The following SCAND1 variants were observed in gnomAD, a reference collection of about 807,000 sequenced individuals.
SCAND1 encodes the protein SCAN domain containing 1.
Under a neutral mutation model 3.4 loss-of-function variants are expected in SCAND1, and 3 were observed. That is an observed-to-expected ratio of 0.87 (90% CI 0.40 to 2.25). SCAND1 has a LOEUF of 2.25. Ranked by LOEUF, SCAND1 falls within the 30% of genes most tolerant of loss-of-function variation. The probability of loss-of-function intolerance (pLI) is 0.05; values close to 1 mark genes in which losing one functional copy is unlikely to be tolerated. For synonymous variants in SCAND1, 152 were observed against 120.5 expected (o/e 1.26, Z -1.72); for missense variants, 303 against 258.8 (o/e 1.17, Z -1.17).
chr20:35,953,793 A>G lies in SCAND1; in HGVS notation c.492T>C (p.Ala164=). The change falls in exon 2 of 2, where the codon GCT becomes GCC. Residue 164 remains alanine (A), a synonymous_variant. Coordinates refer to ENST00000305978, the MANE Select transcript of SCAND1 (RefSeq NM_033630.3). ...EQLLAILPEA[A]RARRIRRRTD... ...TGCGGCGGCGGATCCGCCGGGCCCGAGCCGCCTCGGGCAGGATGGCGAGCA... is the reference window on the plus strand; with the variant it reads ...TGCGGCGGCGGATCCGCCGGGCCCGGGCCGCCTCGGGCAGGATGGCGAGCA... 7.3e-7 allele frequency: 1 copy of G among 1,365,950 alleles called. No homozygotes were observed. Among genetic ancestry groups the G allele is most frequent in the Non-Finnish European group, 9.8e-7 (1 of 1,018,636 alleles). The allele number at this position is 1,365,950 out of a possible 1,614,324, so 84.6% of individuals were successfully genotyped here. A position where few individuals can be genotyped will look rare whatever the true frequency, so the allele number is the denominator to read the frequency against.
rs759356596 is a variant in SCAND1, at chr20:35,954,428, C to G, written c.-56+20G>C. 3.5e-5 allele frequency: 55 copies of G among 1,550,246 alleles called. No homozygotes were observed. Among genetic ancestry groups the G allele is most frequent in the Non-Finnish European group, 4.6e-5 (53 of 1,147,178 alleles). On this transcript the variant is annotated intron_variant, in intron 1 of 1. Coordinates refer to ENST00000305978, the MANE Select transcript of SCAND1 (RefSeq NM_033630.3). ...TGAGGGAGTCGGACTCGGGACCGGCCGAGAGTGTGCGGAGCTTACCTGCAC... is the reference window on the plus strand; with the variant it reads ...TGAGGGAGTCGGACTCGGGACCGGCGGAGAGTGTGCGGAGCTTACCTGCAC...
At chr20:35,956,439 TCCTTTAGACA>T (rs970202151), upstream of SCAND1, among the ~76,000 whole-genome samples, 1 of 152,224 alleles carries the variant, frequency 6.6e-6, no homozygotes, top group African/African-American at 2.4e-5. Flanking sequence ...AGAGACGACT[TCCTTTAGACA>T]AGATACTCTG....
chr20:35,953,760 C>A lies in SCAND1; in HGVS notation c.525G>T (p.Val175=). Residue 175 remains valine (V), a synonymous_variant, in exon 2 of 2, where the codon GTG becomes GTT. Coordinates refer to ENST00000305978, the MANE Select transcript of SCAND1 (RefSeq NM_033630.3). ...RARRIRRRTD[V]RITG is the part of the protein sequence containing the mutation. Reference sequence around the variant, plus strand: ...GCTCCACCGCTCAGCCAGTGATGCGCACATCCGTGCGGCGGCGGATCCGCC... The same window carrying A: ...GCTCCACCGCTCAGCCAGTGATGCGAACATCCGTGCGGCGGCGGATCCGCC... 6.8e-7 allele frequency: 1 copy of A among 1,473,694 alleles called. No individual in the cohort carries two copies. The highest frequency in any genetic ancestry group is 1.3e-5 in the South Asian group (1 of 74,488). 91.3% of individuals were successfully genotyped at this position (1,473,694 alleles called of 1,614,324 possible).
chr20:35,954,596 C>T (rs1600995214), upstream of SCAND1: 2 of 1,403,730 alleles, frequency 1.4e-6, no homozygotes, highest in Non-Finnish European at 9.5e-7. Flanking sequence ...CGGCTGCTGC[C>T]CTCGCGGTGC....
chr20:35,954,753 G>A, upstream of SCAND1: 1 of 639,222 alleles, frequency 1.6e-6, no homozygotes, highest in Non-Finnish European at 2.3e-6. Context: ...TCGGTTTGCA[G>A]GTGACCTTTG....
In SCAND1 at chr20:35,953,766, C is replaced by A. The variant is rs1160210580; in HGVS notation, c.519G>T (p.Thr173=). ...AARARRIRRR[T]DVRITG is the part of the protein sequence containing the mutation. The stretch of plus-strand genomic sequence containing the variant: ...CCGCTCAGCCAGTGATGCGCACATC[C>A]GTGCGGCGGCGGATCCGCCGGGCCC... Residue 173 remains threonine (T), a synonymous_variant, in exon 2 of 2, where the codon ACG becomes ACT. Coordinates refer to ENST00000305978, the MANE Select transcript of SCAND1 (RefSeq NM_033630.3). 1 of 1,480,450 alleles carries A rather than the reference C, an allele frequency of 6.8e-7. No individual in the cohort carries two copies. The highest frequency in any genetic ancestry group is 2.6e-5 in the East Asian group (1 of 38,962). 91.7% of individuals were successfully genotyped at this position (1,480,450 alleles called of 1,614,324 possible).
upstream of SCAND1, among the ~76,000 whole-genome samples, chr20:35,955,653 C>A (rs1324841155): frequency 1.3e-5 from 2 of 152,184 alleles, no homozygotes; most frequent in Non-Finnish European, 2.9e-5. Flanking sequence ...TGTAATAGAA[C>A]TTACCTCTCA....
In SCAND1 at chr20:35,954,378, T is replaced by C. The variant is rs58346765; in HGVS notation, c.-55-39A>G. The C allele has an allele frequency of 2.1e-3, 3,296 of 1,578,866 alleles. 50 individuals carry two copies. In the African/African-American group the frequency reaches 0.034, roughly 16 times the overall value. ...GGGTGAGCAGGGAGACGTTTCCGGT[T>C]AAAGGGCAGAGCTCGCGTCACCCTT... On this transcript the variant is annotated intron_variant, in intron 1 of 1. Transcript: ENST00000305978.
rs760892216 is a variant in SCAND1, at chr20:35,954,046, G to A, written c.239C>T (p.Pro80Leu). The A allele has an allele frequency of 4.4e-4, 671 of 1,541,394 alleles. 1 individual carries two copies. The highest frequency in any genetic ancestry group is 5.0e-4 in the Non-Finnish European group (575 of 1,142,230). Residue 80 changes from proline to leucine, a missense_variant, in exon 2 of 2, where the codon CCC becomes CTC. Coordinates refer to ENST00000305978, the MANE Select transcript of SCAND1 (RefSeq NM_033630.3). Reference protein sequence around the residue: ...AALELPLGPAPVSVAPQAEAE... With the variant: ...AALELPLGPALVSVAPQAEAE... ...TTCGGCCTGAGGCGCTACGCTCACG[G>A]GTGCGGGCCCGAGAGGCAGCTCCAG...
Position 35,954,106 on chromosome 20 carries a change from G to T in SCAND1, c.179C>A (p.Ala60Asp), listed in dbSNP as rs1310067751. The T allele has an allele frequency of 1.0e-5, 16 of 1,541,070 alleles. No homozygotes were observed. In the East Asian group the frequency reaches 1.2e-4, roughly 12 times the overall value. The stretch of plus-strand genomic sequence containing the variant: ...GGCCGCAGCTCGGGGCGTAGGGATG[G>T]CTTCAGGGACCGCGGCGTTGGGACT... ...PSSPNAAVPE[A>D]IPTPRAAASA... Residue 60 changes from alanine to aspartate, a missense_variant, in exon 2 of 2, where the codon GCC (alanine) becomes GAC (aspartate). Transcript: ENST00000305978.
At chr20:35,958,394 T>C (rs974638471), upstream of SCAND1, among the ~76,000 whole-genome samples, 1 of 152,206 alleles carries the variant, frequency 6.6e-6, no homozygotes, top group African/African-American at 2.4e-5. Flanking sequence ...ATCGTGCCAC[T>C]GCACTCCAGC....
chr20:35,958,640 TTGTG>T (rs141670470), upstream of SCAND1, among the ~76,000 whole-genome samples: 4 of 149,546 alleles, frequency 2.7e-5, no homozygotes, highest in South Asian at 8.5e-4. Flanking sequence ...ATACATGCAT[TTGTG>T]TGTGTGTGTG....
At position 35,953,844 on chromosome 20, in the gene SCAND1, G is replaced by A; in HGVS notation, c.441C>T (p.Ile147=). 1 of 1,578,360 alleles carries A rather than the reference G, an allele frequency of 6.3e-7. No individual in the cohort carries two copies. Among genetic ancestry groups the A allele is most frequent in the Non-Finnish European group, 8.6e-7 (1 of 1,164,186 alleles). ...GCTGCTCTTGCACCAGCATCTCCAC[G>A]ATCTGCTCCTTGGTGCGGATGTCAG... ...LRPDIRTKEQ[I]VEMLVQEQLL... is the part of the protein sequence containing the mutation. Residue 147 remains isoleucine, a synonymous_variant, in exon 2 of 2, where the codon ATC becomes ATT. Transcript: ENST00000305978.
chr20:35,954,415 A>T (rs772723312), intron 1 of SCAND1, 33 bp downstream of exon 1: 6 of 1,552,564 alleles, frequency 3.9e-6, no homozygotes, highest in Non-Finnish European at 5.2e-6. Context: ...AGGGAGTCGG[A>T]CTCGGGACCG....
Position 35,953,734 on chromosome 20 carries a change from A to G in SCAND1, c.*11T>C. On this transcript the variant is annotated 3_prime_UTR_variant, in exon 2 of 2. Coordinates refer to ENST00000305978, the MANE Select transcript of SCAND1 (RefSeq NM_033630.3). ...AGAGCGCCCGGCCCTGGCCGCCCGC[A>G]GCTCCACCGCTCAGCCAGTGATGCG... The G allele has an allele frequency of 7.0e-7, 1 of 1,418,690 alleles. No homozygotes were observed. The highest frequency in any genetic ancestry group is 9.2e-7 in the Non-Finnish European group (1 of 1,090,496). The allele number at this position is 1,418,690 out of a possible 1,614,324, so 87.9% of individuals were successfully genotyped here.
upstream of SCAND1, among the ~76,000 whole-genome samples, chr20:35,955,759 A>G (rs1407296709): frequency 2.0e-5 from 3 of 152,056 alleles, no homozygotes; most frequent in African/African-American, 4.8e-5. Context: ...CTGACTCACA[A>G]ATAGTTTTGT....
At position 35,953,787 on chromosome 20, in the gene SCAND1, G is replaced by A; in HGVS notation, c.498C>T (p.Ala166=). 2 of 1,508,442 alleles carry A rather than the reference G, an allele frequency of 1.3e-6. No homozygotes were observed. The highest frequency in any genetic ancestry group is 1.8e-6 in the Non-Finnish European group (2 of 1,130,786). 93.4% of individuals were successfully genotyped at this position (1,508,442 alleles called of 1,614,324 possible). A position where few individuals can be genotyped will look rare whatever the true frequency, so the allele number is the denominator to read the frequency against. ...LLAILPEAAR[A]RRIRRRTDVR... ...CATCCGTGCGGCGGCGGATCCGCCG[G>A]GCCCGAGCCGCCTCGGGCAGGATGG... The change falls in exon 2 of 2, where the codon GCC becomes GCT. Residue 166 remains alanine, a synonymous_variant. Coordinates refer to ENST00000305978, the MANE Select transcript of SCAND1 (RefSeq NM_033630.3).
upstream of SCAND1, among the ~76,000 whole-genome samples, chr20:35,955,822 C>T (rs767468055): frequency 5.3e-5 from 8 of 152,092 alleles, no homozygotes; most frequent in Non-Finnish European, 7.4e-5. Context: ...CGGGTTCAAG[C>T]GATTCTCCTC....
upstream of SCAND1, chr20:35,954,771 G>A (rs2056234165): frequency 6.2e-6 from 3 of 486,214 alleles, no homozygotes; most frequent in South Asian, 4.0e-5. Flanking sequence ...TTGCGTGCGG[G>A]CGCCCCTTCT....
Sources: allele counts gnomAD v4.1 joint callset (sites outside exome capture counted in the v4.1 genomes callset), GRCh38; gene constraint gnomAD v4.1.1; transcripts MANE v1.5; gene names NCBI Gene and HGNC (gene_info 2026-07-23, HGNC 2026-07-21).